The following EBF2 variants were observed in gnomAD, a reference collection of about 807,000 sequenced individuals.
EBF2 encodes transcription factor COE2.
EBF2 carries 21 observed loss-of-function variants against 72.8 expected under a neutral mutation model. The observed-to-expected ratio is 0.29, with a 90% CI of 0.20 to 0.42. EBF2 has a LOEUF of 0.42. Ranked by LOEUF, EBF2 falls within the 10% of genes least tolerant of loss-of-function variation. The pLI, the probability that EBF2 is intolerant of heterozygous loss-of-function variation, is 1.00. For synonymous variants in EBF2, 299 were observed against 274.2 expected, an observed-to-expected ratio of 1.09 and a Z score of -0.89; for missense variants, 637 against 731.2, an observed-to-expected ratio of 0.87 and a Z score of 1.49.
rs1467494397 is a variant in EBF2, at chr8:25,844,555, C to T, written c.*54G>A. The T allele has an allele frequency of 6.9e-6, 11 of 1,605,040 alleles. No homozygotes were observed. Among genetic ancestry groups the T allele is most frequent in the Non-Finnish European group, 9.4e-6 (11 of 1,172,026 alleles). On this transcript the variant is annotated 3_prime_UTR_variant, in exon 16 of 16. Transcript: ENST00000520164. ...CCAAAAGAGCTCCTAGTGCTTTCTT[C>T]ATTATTGGTCCATCAGAGTAAGTAG...
At chr8:25,964,932 C>A (rs1475539871) in intron 6 of EBF2, among the ~76,000 whole-genome samples, 1 of 152,092 alleles carries the variant, frequency 6.6e-6, no homozygotes, top group Admixed American at 6.6e-5. Flanking sequence ...TTCAATGCTG[C>A]CTTTCATCAC....
At chr8:25,997,391 C>T (rs775206581) in intron 6 of EBF2, among the ~76,000 whole-genome samples, 2 of 151,914 alleles carry the variant, frequency 1.3e-5, no homozygotes, top group East Asian at 3.9e-4. Flanking sequence ...GGCAACATAG[C>T]GAGACCCCAT....
chr8:25,970,717 A>G (rs1358100749), intron 6 of EBF2, among the ~76,000 whole-genome samples: 3 of 152,150 alleles, frequency 2.0e-5, no homozygotes, highest in African/African-American at 7.2e-5. Context: ...TTGCTTGTCC[A>G]TAACTTTCTA....
intron 6 of EBF2, among the ~76,000 whole-genome samples, chr8:25,927,338 T>C (rs1227397399): frequency 6.8e-6 from 1 of 146,434 alleles, no homozygotes; most frequent in Non-Finnish European, 1.5e-5. Context: ...TATATCTAGA[T>C]ATCATATATA....
At chr8:25,863,839 A>G (rs1346554737) in intron 10 of EBF2, among the ~76,000 whole-genome samples, 2 of 152,178 alleles carry the variant, frequency 1.3e-5, no homozygotes, top group African/African-American at 4.8e-5. Flanking sequence ...GTCTTTCCAG[A>G]TTGAAACCTA....
rs565189264 is a variant in EBF2, at chr8:25,926,030, G to A, written c.552-17475C>T. Among the ~76,000 whole-genome samples, 16 of 152,168 alleles carry A rather than the reference G, an allele frequency of 1.1e-4. No individual in the cohort carries two copies. In the East Asian group the frequency reaches 3.1e-3, roughly 29 times the overall value. ...TTGTCTATTTCTTTGCTATCCCTCA[G>A]CCCCCAAGTCCCAATAGGTGTTCTA... On this transcript the variant is annotated intron_variant, in intron 6 of 15. Transcript: ENST00000520164.
chr8:25,858,445 G>A lies in EBF2; in HGVS notation c.1402C>T (p.Gln468Ter). 1 of 1,614,030 alleles carries A rather than the reference G, an allele frequency of 6.2e-7. No homozygotes were observed. The part of the protein sequence containing the change: ...PRGYSSSSTP[Q>*]QSNYSTSSNS... ...CTGGAGGTACTGTAATTAGACTGTT[G>A]AGGCGTGGAGCTGGAAGAGTATCCC... Residue 468 changes from glutamine (Q) to a stop codon, truncating the protein, a stop_gained, in exon 14 of 16, where the codon CAA becomes TAA. Transcript: ENST00000520164. LOFTEE classifies it high-confidence loss of function.
intron 6 of EBF2, among the ~76,000 whole-genome samples, chr8:25,918,846 G>A (rs972950699): frequency 1.3e-5 from 2 of 152,042 alleles, no homozygotes; most frequent in Non-Finnish European, 2.9e-5. Flanking sequence ...TCTATCCGTC[G>A]GATCTTCCAA....
intron 14 of EBF2, among the ~76,000 whole-genome samples, chr8:25,855,569 C>G (rs376767931): frequency 6.6e-6 from 1 of 152,070 alleles, no homozygotes; most frequent in East Asian, 1.9e-4. Flanking sequence ...GGTCCAGCCA[C>G]ATCAGATGCA....
At chr8:25,987,761 C>T (rs1441850711) in intron 6 of EBF2, among the ~76,000 whole-genome samples, 1 of 152,110 alleles carries the variant, frequency 6.6e-6, no homozygotes, top group Non-Finnish European at 1.5e-5. Context: ...CATTCCAATG[C>T]CCTCCAAAAG....
At chr8:26,022,734 G>T (rs1003775926) in intron 6 of EBF2, among the ~76,000 whole-genome samples, 1 of 152,134 alleles carries the variant, frequency 6.6e-6, no homozygotes, top group Admixed American at 6.5e-5. Flanking sequence ...AGGAAAGTTT[G>T]CCTTCACTGG....
chr8:25,891,066 G>A (rs1252334804), intron 7 of EBF2, among the ~76,000 whole-genome samples: 1 of 152,184 alleles, frequency 6.6e-6, no homozygotes, highest in Admixed American at 6.5e-5. Flanking sequence ...AGGCAGATAG[G>A]AAATAGGTAC....
intron 6 of EBF2, among the ~76,000 whole-genome samples, chr8:26,007,503 A>G (rs1804901605): frequency 6.6e-6 from 1 of 152,102 alleles, no homozygotes; most frequent in African/African-American, 2.4e-5. Context: ...CATATGTAAA[A>G]CAAACAAACA....
At chr8:25,958,325 C>T (rs749400364) in intron 6 of EBF2, among the ~76,000 whole-genome samples, 14 of 152,210 alleles carry the variant, frequency 9.2e-5, no homozygotes, top group Non-Finnish European at 1.6e-4. Context: ...GTAATTTCAT[C>T]CAGACATGCA....
At position 26,040,018 on chromosome 8, in the gene EBF2, C is replaced by A; in HGVS notation, c.482+10G>T. The A allele has an allele frequency of 6.2e-7, 1 of 1,612,934 alleles. No homozygotes were observed. Among genetic ancestry groups the A allele is most frequent in the Admixed American group, 1.7e-5 (1 of 60,006 alleles). On this transcript the variant is annotated intron_variant, in intron 5 of 15. Transcript: ENST00000520164. ...CTCTCCAGGAAGGCCTGGGAAAAGGCGGCTCTTACCTACACATCACTTCGT... is the reference window on the plus strand; with the variant it reads ...CTCTCCAGGAAGGCCTGGGAAAAGGAGGCTCTTACCTACACATCACTTCGT...
chr8:26,011,861 A>C (rs528013672), intron 6 of EBF2, among the ~76,000 whole-genome samples: 71 of 152,164 alleles, frequency 4.7e-4, no homozygotes, highest in Admixed American at 1.4e-3. Flanking sequence ...ATGCACAGCC[A>C]GGAGCATGGT....
intron 6 of EBF2, among the ~76,000 whole-genome samples, chr8:25,967,974 G>A (rs1804139597): frequency 6.6e-6 from 1 of 152,172 alleles, no homozygotes; most frequent in Non-Finnish European, 1.5e-5. Flanking sequence ...CACACAATAT[G>A]TACTCAAGAG....
chr8:25,858,166 G>C, intron 14 of EBF2, 153 bp downstream of exon 14: 1 of 984,288 alleles, frequency 1.0e-6, no homozygotes, highest in Non-Finnish European at 1.6e-6. Context: ...TAAGGGAAAA[G>C]AACGAAAGGC....
chr8:26,013,521 A>T (rs1286226253), intron 6 of EBF2, among the ~76,000 whole-genome samples: 2 of 151,756 alleles, frequency 1.3e-5, no homozygotes, highest in African/African-American at 2.4e-5. Flanking sequence ...ATCCTGCAAA[A>T]CTCTCTTCTC....
Sources: allele counts gnomAD v4.1 joint callset (sites outside exome capture counted in the v4.1 genomes callset), GRCh38; gene constraint gnomAD v4.1.1; transcripts MANE v1.5; gene names NCBI Gene and HGNC (gene_info 2026-07-23, HGNC 2026-07-21).